Variants in CCDC7 observed in about 807,000 individuals in gnomAD.
CCDC7 encodes the protein coiled-coil domain-containing protein 7.
CCDC7 carries 183 observed loss-of-function variants against 196.9 expected under a neutral mutation model. That is an observed-to-expected ratio of 0.93 (90% confidence interval 0.82 to 1.05). The LOEUF (loss-of-function observed/expected upper bound fraction) is 1.05, where lower values mean the gene tolerates loss of function less well. Among genes scored for constraint, CCDC7 ranks in the 50% least tolerant of loss-of-function variants. The pLI is 0.00. For missense variants in CCDC7, 1,540 were observed against 1,482.2 expected (o/e 1.04, Z -0.64); for synonymous variants, 525 against 484.6 (o/e 1.08, Z -1.10).
intron 33 of CCDC7, among the ~76,000 whole-genome samples, chr10:32,836,576 T>TGAAA (rs2092619830): frequency 3.3e-5 from 5 of 152,200 alleles, no homozygotes; most frequent in Non-Finnish European, 5.9e-5. Context: ...ATTACCATTC[T>TGAAA]AACTGGTGTG....
At chr10:32,467,012 T>A (rs957145773) in intron 5 of CCDC7, among the ~76,000 whole-genome samples, 3 of 152,236 alleles carry the variant, frequency 2.0e-5, no homozygotes, top group African/African-American at 7.2e-5. Context: ...GATTTGCATT[T>A]CTCTAATGAT....
At chr10:32,864,488 T>A (rs888678602) in intron 41 of CCDC7, among the ~76,000 whole-genome samples, 1 of 150,988 alleles carries the variant, frequency 6.6e-6, no homozygotes, top group Non-Finnish European at 1.5e-5. Flanking sequence ...CAAAGTATAT[T>A]TATATATATA....
intron 20 of CCDC7, among the ~76,000 whole-genome samples, chr10:32,654,522 A>G (rs1159783517): frequency 6.6e-6 from 1 of 152,122 alleles, no homozygotes; most frequent in Non-Finnish European, 1.5e-5. Context: ...CTAGTTTTGT[A>G]AAGTTTATAT....
At chr10:32,706,517 CAATT>C (rs1164011158) in intron 24 of CCDC7, among the ~76,000 whole-genome samples, 1 of 151,950 alleles carries the variant, frequency 6.6e-6, no homozygotes, top group African/African-American at 2.4e-5. Context: ...TTCAAACAAT[CAATT>C]AATCCAGGAA....
At chr10:32,836,114 C>T in intron 33 of CCDC7, among the ~76,000 whole-genome samples, 1 of 152,034 alleles carries the variant, frequency 6.6e-6, no homozygotes, top group South Asian at 2.1e-4. Flanking sequence ...TGTTAGGCAT[C>T]TTTTTCCTTG....
In CCDC7 at chr10:32,788,453, C is replaced by A. The variant is rs544422993; in HGVS notation, c.3013+9369C>A. On this transcript the variant is annotated intron_variant, in intron 29 of 41. Transcript: ENST00000639629. The stretch of plus-strand genomic sequence containing the variant: ...CCAACCTCTAGGCCTGCCTCAGTAC[C>A]AGGCCAGTCTGCAGATACTGGTACA... 1.4e-4 allele frequency among the ~76,000 whole-genome samples: 21 copies of A among 152,292 alleles called. No homozygotes were observed. The East Asian group carries it at 2.9e-3, about 21-fold the overall frequency.
rs760815193 is a variant in CCDC7 at position 32,574,494 on chromosome 10, G to A, written c.1454+2601G>A. ...AAACCTTCAGAGAGTGGATGGGAGC[G>A]AAGTAAGGAGACCCCACCTGAGCAG... On this transcript the variant is annotated intron_variant, in intron 16 of 41. Transcript: ENST00000639629. 9 of 1,557,502 alleles carry A rather than the reference G, an allele frequency of 5.8e-6. No homozygotes were observed. In the East Asian group the frequency reaches 7.2e-5, roughly 13 times the overall value.
chr10:32,608,583 C>T (rs1327044447), intron 18 of CCDC7, among the ~76,000 whole-genome samples: 1 of 151,866 alleles, frequency 6.6e-6, no homozygotes, highest in African/African-American at 2.4e-5. Context: ...GCTCTGTTGC[C>T]CAGGCGGTGT....
At chr10:32,676,316 A>G (rs1006025857) in intron 21 of CCDC7, among the ~76,000 whole-genome samples, 4 of 151,990 alleles carry the variant, frequency 2.6e-5, no homozygotes, top group African/African-American at 9.7e-5. Context: ...ATGGGCACGG[A>G]CTTCATGTCT....
At chr10:32,787,462 T>G (rs2082054446) in intron 29 of CCDC7, among the ~76,000 whole-genome samples, 1 of 152,210 alleles carries the variant, frequency 6.6e-6, no homozygotes, top group South Asian at 2.1e-4. Context: ...GTAAGAAAGA[T>G]GCATTGAATA....
chr10:32,739,447 T>C (rs1172472986), intron 28 of CCDC7, among the ~76,000 whole-genome samples: 1 of 152,112 alleles, frequency 6.6e-6, no homozygotes, highest in Non-Finnish European at 1.5e-5. Context: ...TCTGTTACAA[T>C]GTTTTTTATT....
intron 21 of CCDC7, among the ~76,000 whole-genome samples, chr10:32,682,823 C>A (rs1266747306): frequency 1.3e-5 from 2 of 152,054 alleles, no homozygotes; most frequent in Non-Finnish European, 2.9e-5. Flanking sequence ...ATGTTCTTTG[C>A]CCATTTTTAA....
At chr10:32,740,370 A>G (rs1360986845) in intron 28 of CCDC7, among the ~76,000 whole-genome samples, 1 of 152,244 alleles carries the variant, frequency 6.6e-6, no homozygotes, top group Admixed American at 6.5e-5. Flanking sequence ...GGGAGGAAAT[A>G]CAGTTGATAC....
intron 20 of CCDC7, among the ~76,000 whole-genome samples, chr10:32,639,795 AT>A (rs891344190): frequency 1.3e-5 from 2 of 151,886 alleles, no homozygotes; most frequent in Admixed American, 6.6e-5. Flanking sequence ...CTGCCGGCTA[AT>A]TTTTTGTTAT....
chr10:32,669,435 T>C (rs1024709142), intron 21 of CCDC7, among the ~76,000 whole-genome samples: 1 of 152,168 alleles, frequency 6.6e-6, no homozygotes, highest in African/African-American at 2.4e-5. Flanking sequence ...CTTCTATTTT[T>C]TTGAAACATT....
chr10:32,828,779 G>T (rs1307006846), intron 32 of CCDC7, among the ~76,000 whole-genome samples: 3 of 152,128 alleles, frequency 2.0e-5, no homozygotes, highest in Admixed American at 6.6e-5. Context: ...CCATAGCCAG[G>T]ATTCACAGGT....
intron 29 of CCDC7, among the ~76,000 whole-genome samples, chr10:32,779,438 C>T (rs2080679530): frequency 6.6e-6 from 1 of 152,056 alleles, no homozygotes; most frequent in Admixed American, 6.6e-5. Flanking sequence ...TTTTGTATAA[C>T]AAGATGGAAA....
At chr10:32,827,715 G>A (rs1471777826) in intron 32 of CCDC7, among the ~76,000 whole-genome samples, 1 of 152,126 alleles carries the variant, frequency 6.6e-6, no homozygotes, top group African/African-American at 2.4e-5. Context: ...AATGGGTGCA[G>A]CAAACCAGCA....
intron 9 of CCDC7, chr10:32,512,286 A>C (rs1305106622): frequency 1.3e-5 from 2 of 152,808 alleles, no homozygotes; most frequent in African/African-American, 2.4e-5. Flanking sequence ...TGGTCTGGAC[A>C]GGAAAGCAGT....
Sources: allele counts gnomAD v4.1 joint callset (sites outside exome capture counted in the v4.1 genomes callset), GRCh38; gene constraint gnomAD v4.1.1; transcripts MANE v1.5; gene names NCBI Gene and HGNC (gene_info 2026-07-23, HGNC 2026-07-21).